PRTN3: variants seen among roughly 807,000 people sequenced by gnomAD.
The protein encoded by PRTN3 is proteinase 3.
In PRTN3, 22 loss-of-function variants were observed where a neutral mutation model predicts 20.7. The ratio of observed to expected loss-of-function variants is 1.06; its 90% CI spans 0.76 to 1.52. The LOEUF is 1.52. Among genes scored for constraint, PRTN3 ranks in the 40% most tolerant of loss-of-function variants. The probability of loss-of-function intolerance (pLI) is 0.00; values close to 1 mark genes in which losing one functional copy is unlikely to be tolerated. For missense variants in PRTN3, 378 were observed against 359.6 expected, an observed-to-expected ratio of 1.05 and a Z score of -0.41; for synonymous variants, 173 against 152.9, an observed-to-expected ratio of 1.13 and a Z score of -0.97.
At chr19:844,685 G>C (rs906420082) in intron 3 of PRTN3, among the ~76,000 whole-genome samples, 45 of 151,022 alleles carry the variant, frequency 3.0e-4, no homozygotes, top group Non-Finnish European at 4.7e-4. Context: ...CTCATTCATG[G>C]GGCCCTCCTA....
intron 1 of PRTN3, among the ~76,000 whole-genome samples, chr19:841,702 A>G (rs980131253): frequency 3.3e-5 from 5 of 151,396 alleles, no homozygotes; most frequent in Non-Finnish European, 5.9e-5. Flanking sequence ...TCAGGTCCCT[A>G]TCCTGAGGGT....
intron 1 of PRTN3, among the ~76,000 whole-genome samples, chr19:841,822 G>C (rs2035445435): frequency 7.0e-6 from 1 of 142,666 alleles, no homozygotes; most frequent in Non-Finnish European, 1.5e-5. Flanking sequence ...CAGCCTCCCG[G>C]GTTCACGCCT....
In PRTN3 at chr19:843,459, A is replaced by C. The variant is rs974391553; in HGVS notation, c.62-2A>C. ...CCTGACGCCTGGACTCCCCCCCTGC[A>C]GGTGCTGCCCGAGCTGCGGAGATCG... On this transcript the variant is annotated splice_acceptor_variant, in intron 1 of 4. Transcript: ENST00000234347. LOFTEE classifies it high-confidence loss of function. 3 of 1,557,426 alleles carry C rather than the reference A, an allele frequency of 1.9e-6. No individual in the cohort carries two copies. Among genetic ancestry groups the C allele is most frequent in the Non-Finnish European group, 2.6e-6 (3 of 1,156,408 alleles).
chr19:841,544 GTGAA>G (rs1435006087), intron 1 of PRTN3, among the ~76,000 whole-genome samples: 49 of 54,998 alleles, frequency 8.9e-4, no homozygotes, highest in African/African-American at 3.3e-3. Flanking sequence ...CAATGAGTGA[GTGAA>G]TGAATGAGTG....
chr19:846,064 G>A, intron 3 of PRTN3, 83 bp from the exon 4 acceptor site: 1 of 1,040,868 alleles, frequency 9.6e-7, no homozygotes, highest in Non-Finnish European at 1.3e-6. Flanking sequence ...GGTGGTGGGT[G>A]TGGTGGGTGT....
At chr19:845,275 G>C (rs974444709) in intron 3 of PRTN3, among the ~76,000 whole-genome samples, 1 of 151,882 alleles carries the variant, frequency 6.6e-6, no homozygotes, top group Non-Finnish European at 1.5e-5. Flanking sequence ...AAAATCAACC[G>C]GGCATGGTAG....
intron 4 of PRTN3, 106 bp downstream of exon 4, chr19:846,483 T>G (rs901267661): frequency 2.9e-5 from 34 of 1,171,716 alleles, no homozygotes; most frequent in Non-Finnish European, 3.7e-5. Flanking sequence ...ATGCTGTGCC[T>G]CAGTCTCCCC....
Position 841,031 on chromosome 19 carries a change from C to T in PRTN3, c.23C>T (p.Pro8Leu). The T allele has an allele frequency of 6.2e-7, 1 of 1,608,922 alleles. No individual in the cohort carries two copies. Among genetic ancestry groups the T allele is most frequent in the Non-Finnish European group, 8.5e-7 (1 of 1,179,856 alleles). Residue 8 changes from proline to leucine, a missense_variant, in exon 1 of 5, where the codon CCT becomes CTT. Physicochemically the swap from Pro to Leu is moderately conservative, Grantham distance 98 (BLOSUM62 -3). Transcript: ENST00000234347. ...ACCATGGCTCACCGGCCCCCCAGCC[C>T]TGCCCTGGCGTCCGTGCTGCTGGCC... MAHRPPS[P>L]ALASVLLALL... is the part of the protein sequence containing the mutation.
At position 846,389 on chromosome 19, in the gene PRTN3, T is replaced by C. The variant is rs1383408587; in HGVS notation, c.600+12T>C. 10 of 1,548,260 alleles carry C rather than the reference T, an allele frequency of 6.5e-6. No individual in the cohort carries two copies. The highest frequency in any genetic ancestry group is 8.7e-6 in the Non-Finnish European group (10 of 1,146,158). Reference sequence around the variant, plus strand: ...CCGGCATCTGCTTCGTAAGTAACCGTGCCCCCACCCCGGGCACCGGGCTGC... The same window carrying C: ...CCGGCATCTGCTTCGTAAGTAACCGCGCCCCCACCCCGGGCACCGGGCTGC... On this transcript the variant is annotated intron_variant, in intron 4 of 4. Coordinates refer to ENST00000234347, the MANE Select transcript of PRTN3 (RefSeq NM_002777.4).
At chr19:847,136 T>C (rs1293711166) in intron 4 of PRTN3, among the ~76,000 whole-genome samples, 1 of 152,134 alleles carries the variant, frequency 6.6e-6, no homozygotes, top group African/African-American at 2.4e-5. Flanking sequence ...CAGGGTGGCA[T>C]CTCTACAAAT....
chr19:846,469 C>A, intron 4 of PRTN3, 92 bp downstream of exon 4: 1 of 1,275,142 alleles, frequency 7.8e-7, no homozygotes, highest in Non-Finnish European at 1.1e-6. Context: ...AGCTGTGTGG[C>A]TTCATGCTGT....
At chr19:844,478 C>T in intron 3 of PRTN3, among the ~76,000 whole-genome samples, 1 of 94,164 alleles carries the variant, frequency 1.1e-5, no homozygotes, top group Admixed American at 1.1e-4. Flanking sequence ...CGCGCCTCTC[C>T]CCCGCCCGCG....
intron 2 of PRTN3, 58 bp from the exon 3 acceptor site, chr19:843,835 G>T: frequency 6.6e-7 from 1 of 1,523,156 alleles, no homozygotes; most frequent in Non-Finnish European, 8.8e-7. Context: ...GGGAAGGGCC[G>T]GCTGTGGGCG....
intron 3 of PRTN3, among the ~76,000 whole-genome samples, chr19:845,245 G>C (rs2035501654): frequency 6.6e-6 from 1 of 151,830 alleles, no homozygotes; most frequent in African/African-American, 2.4e-5. Context: ...ACCGCGTCCA[G>C]CCTACAAAAG....
At chr19:845,355 G>A (rs2035502905) in intron 3 of PRTN3, among the ~76,000 whole-genome samples, 1 of 152,060 alleles carries the variant, frequency 6.6e-6, no homozygotes, top group South Asian at 2.1e-4. Context: ...GCTGCAGTGA[G>A]CTGTGATCAT....
chr19:843,530 C>T lies in PRTN3; in HGVS notation c.131C>T (p.Ser44Phe), dbSNP rs1436383671. The T allele has an allele frequency of 5.0e-6, 8 of 1,595,394 alleles. No individual in the cohort carries two copies. The highest frequency in any genetic ancestry group is 2.3e-5 in the East Asian group (1 of 44,304). Reference sequence around the variant, plus strand: ...CCACACTCCCGGCCCTACATGGCCTCCCTGCAGATGCGGGGGAACCCGGGC... The same window carrying T: ...CCACACTCCCGGCCCTACATGGCCTTCCTGCAGATGCGGGGGAACCCGGGC... ...AQPHSRPYMASLQMRGNPGSH... is the reference protein window; with the variant it reads ...AQPHSRPYMAFLQMRGNPGSH... The change falls in exon 2 of 5, where the codon TCC becomes TTC. Residue 44 changes from serine to phenylalanine, a missense_variant. Coordinates refer to ENST00000234347, the MANE Select transcript of PRTN3 (RefSeq NM_002777.4).
chr19:841,078 G>A lies in PRTN3; in HGVS notation c.61+9G>A. 2.5e-6 allele frequency: 4 copies of A among 1,603,872 alleles called. No individual in the cohort carries two copies. The highest frequency in any genetic ancestry group is 3.4e-6 in the Non-Finnish European group (4 of 1,179,764). On this transcript the variant is annotated intron_variant, in intron 1 of 4. Transcript: ENST00000234347. ...GGCCTTGCTGCTGAGCGGTGAGTGA[G>A]CCACGTGCCCATCCATCCAGCCTCC...
intron 1 of PRTN3, 132 bp from the exon 2 acceptor site, chr19:843,329 C>A: frequency 9.9e-7 from 1 of 1,013,232 alleles, no homozygotes; most frequent in Non-Finnish European, 1.4e-6. Flanking sequence ...TGAGTCCTTC[C>A]CACCAGCCAG....
At position 848,010 on chromosome 19, in the gene PRTN3, C is replaced by T; in HGVS notation, c.*41C>T. 8 of 1,558,566 alleles carry T rather than the reference C, an allele frequency of 5.1e-6. No homozygotes were observed. The highest frequency in any genetic ancestry group is 6.9e-6 in the Non-Finnish European group (8 of 1,153,798). On this transcript the variant is annotated 3_prime_UTR_variant, in exon 5 of 5. Coordinates refer to ENST00000234347, the MANE Select transcript of PRTN3 (RefSeq NM_002777.4). ...GCGCTGGCCGGGACCCCGAGCCTGGCTCCAAACCCTCGAGGCGGATCTTTG... is the reference window on the plus strand; with the variant it reads ...GCGCTGGCCGGGACCCCGAGCCTGGTTCCAAACCCTCGAGGCGGATCTTTG...
Sources: gnomAD v4.1 joint callset for allele counts (sites outside exome capture counted in the v4.1 genomes callset) on GRCh38, gnomAD v4.1.1 for gene constraint, MANE v1.5 for transcripts, NCBI Gene and HGNC (gene_info 2026-07-23, HGNC 2026-07-21) for gene names.